Variants in PEG3 observed in about 807,000 individuals in gnomAD.
The protein encoded by PEG3 is paternally-expressed gene 3 protein.
A neutral mutation model predicts 35.5 loss-of-function variants in PEG3; 23 were observed. The observed-to-expected ratio is 0.65, with a 90% CI of 0.47 to 0.92. PEG3 has a LOEUF of 0.92. Ranked by LOEUF, PEG3 falls within the 40% of genes least tolerant of loss-of-function variation. The pLI is 0.00. For missense variants in PEG3, 1,960 were observed against 1,985.3 expected, an observed-to-expected ratio of 0.99 and a Z score of 0.24; for synonymous variants, 707 against 697.0, an observed-to-expected ratio of 1.01 and a Z score of -0.23.
At position 56,812,271 on chromosome 19, in the gene PEG3, T is replaced by G; in HGVS notation, c.*1404A>C. 2 of 979,848 alleles carry G rather than the reference T, an allele frequency of 2.0e-6. No individual in the cohort carries two copies. The highest frequency in any genetic ancestry group is 2.4e-6 in the Non-Finnish European group (2 of 824,940). 60.7% of individuals were successfully genotyped at this position (979,848 alleles called of 1,614,324 possible). The stretch of plus-strand genomic sequence containing the variant: ...AGAAACCTCAAGCTGTGAGGTCAAT[T>G]TGTAATTAAAAGAATACTAAGATTA... On this transcript the variant is annotated 3_prime_UTR_variant, in exon 10 of 10. Transcript: ENST00000326441.
In PEG3 at chr19:56,817,717, C is replaced by G. The variant is rs2060111176; in HGVS notation, c.862+29G>C. 3.1e-6 allele frequency: 5 copies of G among 1,596,396 alleles called. No homozygotes were observed. The East Asian group carries it at 1.1e-4, about 36-fold the overall frequency. On this transcript the variant is annotated intron_variant, in intron 9 of 9. Transcript: ENST00000326441. ...TGATAGCATCTCACTGGTTGTGTGG[C>G]TCCTCTGTGGGATGTGCCTCCTGCT... is the stretch of plus-strand genomic sequence containing the variant.
chr19:56,834,384 C>T (rs944477540), intron 2 of PEG3, among the ~76,000 whole-genome samples: 3 of 152,140 alleles, frequency 2.0e-5, no homozygotes, highest in Non-Finnish European at 4.4e-5. Context: ...TATTAAAGCT[C>T]ACCCACATCC....
chr19:56,828,551 C>A (rs1302333511), intron 2 of PEG3, among the ~76,000 whole-genome samples: 1 of 152,158 alleles, frequency 6.6e-6, no homozygotes, highest in Admixed American at 6.5e-5. Flanking sequence ...GCAGAGACCA[C>A]TGAAAGGCCA....
chr19:56,824,300 G>A lies in PEG3; in HGVS notation c.356C>T (p.Thr119Ile). ...KKPENCEKLV[T>I]LLENYKEMYQ... ...CATCTCCTTGTAATTCTCCAGCAGA[G>A]TGACGAGCTTCTCACAGTTCTCCGG... Residue 119 changes from threonine (T) to isoleucine (I), a missense_variant, in exon 4 of 10, where the codon ACT becomes ATT. Coordinates refer to ENST00000326441, the MANE Select transcript of PEG3 (RefSeq NM_006210.3). 6.2e-7 allele frequency: 1 copy of A among 1,614,068 alleles called. No homozygotes were observed. Among genetic ancestry groups the A allele is most frequent in the Non-Finnish European group, 8.5e-7 (1 of 1,180,022 alleles).
In PEG3 at chr19:56,824,242, C is replaced by T. The variant is rs76519301; in HGVS notation, c.394+20G>A. On this transcript the variant is annotated intron_variant, in intron 4 of 9. Coordinates refer to ENST00000326441, the MANE Select transcript of PEG3 (RefSeq NM_006210.3). ...ACCTGAGGCCTGCACTGACCACCAA[C>T]ACCCCGTGGAGACTCTCACCTTCTG... 12,390 of 1,609,252 alleles carry T rather than the reference C, an allele frequency of 7.7e-3. 1,005 individuals carry two copies. In the East Asian group the frequency reaches 0.2, roughly 26 times the overall value.
intron 1 of PEG3, among the ~76,000 whole-genome samples, chr19:56,837,523 G>A (rs1187828032): frequency 6.6e-6 from 1 of 152,230 alleles, no homozygotes; most frequent in Non-Finnish European, 1.5e-5. Flanking sequence ...ACTGACCCAA[G>A]GCTGCACAGC....
At chr19:56,831,688 G>A (rs979416175) in intron 2 of PEG3, among the ~76,000 whole-genome samples, 1 of 152,186 alleles carries the variant, frequency 6.6e-6, no homozygotes, top group South Asian at 2.1e-4. Context: ...ATTAAGTCGT[G>A]TTGTCAAGGA....
chr19:56,814,359 A>T lies in PEG3; in HGVS notation c.4083T>A (p.Asp1361Glu), dbSNP rs145005818. Residue 1361 changes from aspartate (D) to glutamate (E), a missense_variant, in exon 10 of 10, where the codon GAT (aspartate) becomes GAA (glutamate). By Grantham distance (45) the Asp-to-Glu change is conservative. Transcript: ENST00000326441. This position sits in a 1 kb window ranked among gnomAD's most constrained non-coding sequence, Gnocchi z 5.8. ...KELHLEEEEE[D>E]EAAAAAAAAA... The stretch of plus-strand genomic sequence containing the variant: ...CTGCTGCTGCAGCTGCTGCTGCTTC[A>T]TCTTCTTCTTCTTCTTCCAGATGAA... 17 of 1,613,060 alleles carry T rather than the reference A, an allele frequency of 1.1e-5. No individual in the cohort carries two copies. The highest frequency in any genetic ancestry group is 1.6e-4 in the Middle Eastern group (1 of 6,084).
Position 56,812,594 on chromosome 19 carries a change from T to C in PEG3, c.*1081A>G, listed in dbSNP as rs916342041. 3.0e-6 allele frequency: 3 copies of C among 985,774 alleles called. No individual in the cohort carries two copies. The highest frequency in any genetic ancestry group is 2.3e-4 in the East Asian group (2 of 8,802). 61.1% of individuals were successfully genotyped at this position (985,774 alleles called of 1,614,324 possible). On this transcript the variant is annotated 3_prime_UTR_variant, in exon 10 of 10. Coordinates refer to ENST00000326441, the MANE Select transcript of PEG3 (RefSeq NM_006210.3). ...CAGGGGACCCAAGCCATGTTGCTAC[T>C]TGTCACTTAAGGCAGGAAGCGCACA...
Position 56,811,668 on chromosome 19 carries a change from G to A in PEG3, c.*2007C>T, listed in dbSNP as rs186131600. 151 of 985,352 alleles carry A rather than the reference G, an allele frequency of 1.5e-4. No homozygotes were observed. Among genetic ancestry groups the A allele is most frequent in the Non-Finnish European group, 1.7e-4 (139 of 829,902 alleles). 61.0% of individuals were successfully genotyped at this position (985,352 alleles called of 1,614,324 possible). A position where few individuals can be genotyped will look rare whatever the true frequency, so the allele number is the denominator to read the frequency against. ...CACCCCGACATCAACACTGATTCTC[G>A]TTTCAAGAGTCCTTTTCCCATGTAG... is the stretch of plus-strand genomic sequence containing the variant. On this transcript the variant is annotated 3_prime_UTR_variant, in exon 10 of 10. Coordinates refer to ENST00000326441, the MANE Select transcript of PEG3 (RefSeq NM_006210.3).
chr19:56,816,932 G>C lies in PEG3; in HGVS notation c.1510C>G (p.Arg504Gly), dbSNP rs547680406. ...TCTCCACAGTCCTTACATTCAAAAC[G>C]TTTCCCTCCAACCTGACTTTTCTGA... ...EVQKSQVGGK[R>G]FECKDCGETF... is the part of the protein sequence containing the mutation. Residue 504 changes from arginine to glycine, a missense_variant, in exon 10 of 10, where the codon CGT becomes GGT. Arg to Gly is a moderately radical substitution (Grantham distance 125). Transcript: ENST00000326441. The C allele has an allele frequency of 6.2e-7, 1 of 1,614,130 alleles. No homozygotes were observed. The highest frequency in any genetic ancestry group is 8.5e-7 in the Non-Finnish European group (1 of 1,180,020).
chr19:56,814,015 T>C lies in PEG3; in HGVS notation c.4427A>G (p.Glu1476Gly), dbSNP rs202189197. Residue 1476 changes from glutamate (E) to glycine (G), a missense_variant, in exon 10 of 10, where the codon GAG becomes GGG. Physicochemically the swap from Glu to Gly is moderately conservative, Grantham distance 98 (BLOSUM62 -2). This residue lies in a region of PEG3 where 416 missense variants were observed against 416.7 expected (regional missense o/e 1.00). Transcript: ENST00000326441. This position sits in a 1 kb window ranked among gnomAD's most constrained non-coding sequence, Gnocchi z 5.8. ...EEPEGKAEEPEGDADEPDGVG... is the reference protein window; with the variant it reads ...EEPEGKAEEPGGDADEPDGVG... ...ACCGTCAGGCTCGTCGGCATCTCCCTCTGGCTCTTCAGCTTTTCCCTCTGG... is the reference window on the plus strand; with the variant it reads ...ACCGTCAGGCTCGTCGGCATCTCCCCCTGGCTCTTCAGCTTTTCCCTCTGG... 6.2e-7 allele frequency: 1 copy of C among 1,613,356 alleles called. No individual in the cohort carries two copies. The highest frequency in any genetic ancestry group is 8.5e-7 in the Non-Finnish European group (1 of 1,179,342).
At chr19:56,823,314 C>A (rs1019150156) in intron 5 of PEG3, among the ~76,000 whole-genome samples, 5 of 152,226 alleles carry the variant, frequency 3.3e-5, no homozygotes, top group African/African-American at 9.6e-5. Context: ...CCTGAGGAGG[C>A]TGGGGGTACA....
Position 56,813,521 on chromosome 19 carries a change from C to G in PEG3, c.*154G>C. On this transcript the variant is annotated 3_prime_UTR_variant, in exon 10 of 10. Transcript: ENST00000326441. ...AGACTGTGGAATCTGCACATTCGGT[C>G]TCTTTTCAATCTGAGTTTAGAGATG... 21 of 1,435,728 alleles carry G rather than the reference C, an allele frequency of 1.5e-5. No homozygotes were observed. The highest frequency in any genetic ancestry group is 1.8e-5 in the Non-Finnish European group (20 of 1,093,262). 88.9% of individuals were successfully genotyped at this position (1,435,728 alleles called of 1,614,324 possible).
At chr19:56,823,708 A>G (rs2146345448) in intron 4 of PEG3, 29 bp from the exon 5 acceptor site, 1 of 1,612,764 alleles carries the variant, frequency 6.2e-7, no homozygotes, top group Non-Finnish European at 8.5e-7. Flanking sequence ...CCAAGTTACT[A>G]TCTCTGGCCC....
rs1179001231 is a variant in PEG3, at chr19:56,815,868, C to G, written c.2574G>C (p.Lys858Asn). Residue 858 changes from lysine (K) to asparagine (N), a missense_variant, in exon 10 of 10, where the codon AAG becomes AAC. Coordinates refer to ENST00000326441, the MANE Select transcript of PEG3 (RefSeq NM_006210.3). ...CTGAGATATAAATGGAGGATTCTCC[C>G]TTCTCATTAGATTCCACCAATTCAT... ...NGNELVESNE[K>N]GESSIYISDL... is the part of the protein sequence containing the mutation. 6.2e-7 allele frequency: 1 copy of G among 1,613,418 alleles called. No homozygotes were observed. The highest frequency in any genetic ancestry group is 8.5e-7 in the Non-Finnish European group (1 of 1,179,580).
intron 2 of PEG3, chr19:56,833,449 C>T (rs1030631585): frequency 1.2e-5 from 4 of 327,298 alleles, no homozygotes; most frequent in South Asian, 2.5e-5. Context: ...TACTTCAGCA[C>T]GCACATGGAG....
intron 7 of PEG3, among the ~76,000 whole-genome samples, chr19:56,821,340 A>C (rs1405078641): frequency 2.6e-5 from 4 of 152,160 alleles, no homozygotes; most frequent in African/African-American, 9.7e-5. Flanking sequence ...CCTCCTGAGG[A>C]CCAGAAACAT....
In PEG3 at chr19:56,814,452, T is replaced by C. The variant is rs748742773; in HGVS notation, c.3990A>G (p.Pro1330=). Residue 1330 remains proline, a synonymous_variant, in exon 10 of 10, where the codon CCA becomes CCG. Transcript: ENST00000326441. The surrounding 1 kb of genome is among the most constrained non-coding windows in gnomAD (Gnocchi z 5.8). ...FLTEPLKGAI[P]FYECKDCGKS... is the part of the protein sequence containing the mutation. ...TACCACAATCCTTGCATTCATAGAA[T>C]GGTATAGCTCCTTTGAGGGGCTCAG... The C allele has an allele frequency of 1.3e-5, 21 of 1,613,862 alleles. No homozygotes were observed. In the Admixed American group the frequency reaches 1.3e-4, roughly 10 times the overall value.
Sources: allele counts gnomAD v4.1 joint callset (sites outside exome capture counted in the v4.1 genomes callset), GRCh38; gene constraint gnomAD v4.1.1; regional missense constraint gnomAD v4.1.1; non-coding constraint Gnocchi (gnomAD v3.1); transcripts MANE v1.5; gene names NCBI Gene and HGNC (gene_info 2026-07-23, HGNC 2026-07-21).